SLC14A1: variants seen among roughly 807,000 people sequenced by gnomAD.
SLC14A1 encodes solute carrier family 14 member 1 (Kidd blood group).
Under a neutral mutation model 39.6 loss-of-function variants are expected in SLC14A1, and 36 were observed. The observed-to-expected ratio is 0.91, with a 90% CI of 0.70 to 1.20. The LOEUF (loss-of-function observed/expected upper bound fraction) is 1.20, where lower values mean the gene tolerates loss of function less well. SLC14A1 is among the 50% of genes most tolerant of loss of function. The probability of loss-of-function intolerance (pLI) is 0.00; values close to 1 mark genes in which losing one functional copy is unlikely to be tolerated. For synonymous variants in SLC14A1, 164 were observed against 173.6 expected (o/e 0.94, Z 0.43); for missense variants, 469 against 478.7 (o/e 0.98, Z 0.19).
At chr18:45,735,491 G>A (rs532322336) in intron 5 of SLC14A1, among the ~76,000 whole-genome samples, 2 of 151,794 alleles carry the variant, frequency 1.3e-5, no homozygotes, top group Non-Finnish European at 2.9e-5. Flanking sequence ...CTTCAAACTA[G>A]TTTTTATGTT....
At chr18:45,742,867 T>C (rs2047427536) in intron 8 of SLC14A1, among the ~76,000 whole-genome samples, 1 of 151,960 alleles carries the variant, frequency 6.6e-6, no homozygotes, top group South Asian at 2.1e-4. Flanking sequence ...TTTGTATTTT[T>C]AGTAGAGATG....
Position 45,751,069 on chromosome 18 carries a change from G to A in SLC14A1, c.*1118G>A. On this transcript the variant is annotated 3_prime_UTR_variant, in exon 10 of 10. Transcript: ENST00000321925. ...AAAAAGAAATAAAGGGCTGAGTGCGGTGGCTCACGCCTGTAATCCCAGCAC... is the reference window on the plus strand; with the variant it reads ...AAAAAGAAATAAAGGGCTGAGTGCGATGGCTCACGCCTGTAATCCCAGCAC... 7.2e-6 allele frequency: 7 copies of A among 972,478 alleles called. No homozygotes were observed. The highest frequency in any genetic ancestry group is 8.6e-6 in the Non-Finnish European group (7 of 818,106). 60.2% of individuals were successfully genotyped at this position (972,478 alleles called of 1,614,324 possible). A position where few individuals can be genotyped will look rare whatever the true frequency, so the allele number is the denominator to read the frequency against.
At chr18:45,739,972 A>T (rs913905143) in intron 8 of SLC14A1, 13 of 405,378 alleles carry the variant, frequency 3.2e-5, no homozygotes, top group African/African-American at 2.7e-4. Flanking sequence ...CCAGAGATAC[A>T]CCAGCCCTTC....
In SLC14A1 at chr18:45,750,826, A is replaced by G; in HGVS notation, c.*875A>G. ...TTTAACCCCTAAATTGATTTTGTAA[A>G]TGCCACAAATGCATAGAATTGTTAC... On this transcript the variant is annotated 3_prime_UTR_variant, in exon 10 of 10. Coordinates refer to ENST00000321925, the MANE Select transcript of SLC14A1 (RefSeq NM_015865.7). The G allele has an allele frequency of 5.1e-6, 5 of 985,164 alleles. No homozygotes were observed. Among genetic ancestry groups the G allele is most frequent in the Non-Finnish European group, 4.8e-6 (4 of 829,692 alleles). 61.0% of individuals were successfully genotyped at this position (985,164 alleles called of 1,614,324 possible). A position where few individuals can be genotyped will look rare whatever the true frequency, so the allele number is the denominator to read the frequency against.
At chr18:45,735,103 A>T (rs1250825425) in intron 5 of SLC14A1, among the ~76,000 whole-genome samples, 1 of 152,080 alleles carries the variant, frequency 6.6e-6, no homozygotes, top group Non-Finnish European at 1.5e-5. Context: ...CCCCACATAC[A>T]CTTGACTCCT....
At chr18:45,743,620 G>T (rs1220411583) in intron 8 of SLC14A1, among the ~76,000 whole-genome samples, 1 of 152,126 alleles carries the variant, frequency 6.6e-6, no homozygotes, top group Non-Finnish European at 1.5e-5. Context: ...TCATACAGTT[G>T]TTCTGATGAT....
rs2047301463 is a variant in SLC14A1, at chr18:45,739,680, C to T, written c.946+18C>T. 1 of 1,613,894 alleles carries T rather than the reference C, an allele frequency of 6.2e-7. No homozygotes were observed. Among genetic ancestry groups the T allele is most frequent in the African/African-American group, 1.3e-5 (1 of 74,908 alleles). ...TGGCTGTGGTGAGTCTCCCACGCCC[C>T]TGGGGGAGGGCTGCTCATGACTACA... On this transcript the variant is annotated intron_variant, in intron 8 of 9. Transcript: ENST00000321925.
chr18:45,740,168 C>T (rs999861604), intron 8 of SLC14A1, among the ~76,000 whole-genome samples: 8 of 152,230 alleles, frequency 5.3e-5, no homozygotes, highest in African/African-American at 1.9e-4. Context: ...ACTCCTTTTG[C>T]TTTCAACTGA....
At position 45,750,123 on chromosome 18, in the gene SLC14A1, C is replaced by T; in HGVS notation, c.*172C>T. The T allele has an allele frequency of 1.3e-6, 2 of 1,494,850 alleles. No individual in the cohort carries two copies. Among genetic ancestry groups the T allele is most frequent in the Non-Finnish European group, 1.8e-6 (2 of 1,128,434 alleles). 92.6% of individuals were successfully genotyped at this position (1,494,850 alleles called of 1,614,324 possible). ...ATTTTCCTTTCAACTCCAGGAATAT[C>T]CTTGAGCATATGAGAGTCACATCCA... On this transcript the variant is annotated 3_prime_UTR_variant, in exon 10 of 10. Coordinates refer to ENST00000321925, the MANE Select transcript of SLC14A1 (RefSeq NM_015865.7).
chr18:45,731,651 A>G (rs890860137), intron 4 of SLC14A1: 3 of 227,190 alleles, frequency 1.3e-5, no homozygotes, highest in African/African-American at 6.8e-5. Context: ...AGGTCAGCTC[A>G]GCTCCTGGAG....
Position 45,736,379 on chromosome 18 carries a change from C to A in SLC14A1, c.471-77C>A. 2.1e-6 allele frequency: 3 copies of A among 1,429,742 alleles called. No homozygotes were observed. In the South Asian group the frequency reaches 3.4e-5, roughly 16 times the overall value. The allele number at this position is 1,429,742 out of a possible 1,614,324, so 88.6% of individuals were successfully genotyped here. A position where few individuals can be genotyped will look rare whatever the true frequency, so the allele number is the denominator to read the frequency against. On this transcript the variant is annotated intron_variant, in intron 5 of 9. Transcript: ENST00000321925. ...GGGCCTGTTGGCAGGTGAAACAAAG[C>A]CCCTCCAGAGTATAGCGATTCCGTG...
intron 2 of SLC14A1, among the ~76,000 whole-genome samples, chr18:45,726,219 T>C (rs2046858579): frequency 6.6e-6 from 1 of 152,176 alleles, no homozygotes; most frequent in South Asian, 2.1e-4. Context: ...ACCTGAGACA[T>C]GTCAGAAGTG....
At chr18:45,741,625 T>C (rs1435658292) in intron 8 of SLC14A1, among the ~76,000 whole-genome samples, 1 of 152,212 alleles carries the variant, frequency 6.6e-6, no homozygotes, top group Non-Finnish European at 1.5e-5. Context: ...TTTGTCAAAT[T>C]CTTTACTATT....
At chr18:45,730,540 C>A in intron 3 of SLC14A1, 69 bp downstream of exon 3, 2 of 1,494,770 alleles carry the variant, frequency 1.3e-6, no homozygotes, top group South Asian at 2.3e-5. Flanking sequence ...CCTGGTACTT[C>A]TACTTATACC....
intron 4 of SLC14A1, chr18:45,731,541 G>C: frequency 2.8e-6 from 1 of 358,950 alleles, no homozygotes; most frequent in Non-Finnish European, 5.4e-6. Context: ...TTGGGAAAAA[G>C]TGCATATGAA....
chr18:45,748,523 C>T, intron 9 of SLC14A1, 98 bp downstream of exon 9: 1 of 1,218,128 alleles, frequency 8.2e-7, no homozygotes, highest in Non-Finnish European at 1.2e-6. Flanking sequence ...CATCCAGTGG[C>T]AGGATCCATG....
chr18:45,731,650 C>T (rs1418213056), intron 4 of SLC14A1: 1 of 230,808 alleles, frequency 4.3e-6, no homozygotes, highest in Non-Finnish European at 8.7e-6. Context: ...AAGGTCAGCT[C>T]AGCTCCTGGA....
At position 45,751,299 on chromosome 18, in the gene SLC14A1, C is replaced by T; in HGVS notation, c.*1348C>T. 1 of 781,794 alleles carries T rather than the reference C, an allele frequency of 1.3e-6. No homozygotes were observed. The highest frequency in any genetic ancestry group is 1.3e-4 in the East Asian group (1 of 7,660). 48.4% of individuals were successfully genotyped at this position (781,794 alleles called of 1,614,324 possible). ...AGGCTGCAGTGAGCTAAGATTGCAC[C>T]ACTGCACTCCAACCTGGGCGACAAG... On this transcript the variant is annotated 3_prime_UTR_variant, in exon 10 of 10. Transcript: ENST00000321925.
intron 8 of SLC14A1, chr18:45,741,146 G>C (rs2047367344): frequency 6.6e-6 from 1 of 152,200 alleles, no homozygotes; most frequent in African/African-American, 2.4e-5. Flanking sequence ...CCCTTTTATA[G>C]CATTCAGGCC....
Sources: allele counts gnomAD v4.1 joint callset (sites outside exome capture counted in the v4.1 genomes callset), GRCh38; gene constraint gnomAD v4.1.1; transcripts MANE v1.5; gene names NCBI Gene and HGNC (gene_info 2026-07-23, HGNC 2026-07-21).